ARSB: variants seen among roughly 807,000 people sequenced by gnomAD.
The protein encoded by ARSB is N-acetylgalactosamine-4-sulfatase.
In ARSB, 41 loss-of-function variants were observed where a neutral mutation model predicts 50.9. The observed-to-expected ratio is 0.81, with a 90% CI of 0.63 to 1.04. ARSB has a LOEUF of 1.04. Among genes scored for constraint, ARSB ranks in the 50% least tolerant of loss-of-function variants. ARSB has a pLI of 0.00. For synonymous variants in ARSB, 269 were observed against 284.8 expected (o/e 0.94, Z 0.56); for missense variants, 672 against 693.3 (o/e 0.97, Z 0.35).
intron 4 of ARSB, among the ~76,000 whole-genome samples, chr5:78,927,752 C>T (rs1212720499): frequency 6.6e-6 from 1 of 152,142 alleles, no homozygotes. Context: ...GAGGAGTTTG[C>T]CTCTGCCTAG....
At chr5:78,952,228 A>C (rs2112473828) in intron 4 of ARSB, among the ~76,000 whole-genome samples, 1 of 152,326 alleles carries the variant, frequency 6.6e-6, no homozygotes, top group East Asian at 1.9e-4. Flanking sequence ...TTATACATAC[A>C]CATTTGCAAT....
intron 6 of ARSB, among the ~76,000 whole-genome samples, chr5:78,811,184 C>T (rs578013011): frequency 9.9e-5 from 15 of 152,204 alleles, no homozygotes; most frequent in African/African-American, 2.4e-4. Context: ...GGTTAGCCTC[C>T]GTATACTATC....
At chr5:78,860,116 A>G (rs1746356213) in intron 5 of ARSB, among the ~76,000 whole-genome samples, 2 of 152,192 alleles carry the variant, frequency 1.3e-5, no homozygotes, top group African/African-American at 4.8e-5. Flanking sequence ...TGGGGTGCAG[A>G]GTTCTGTAGA....
chr5:78,906,893 A>T (rs77753783), intron 4 of ARSB, among the ~76,000 whole-genome samples: 244 of 152,300 alleles, frequency 1.6e-3, no homozygotes, highest in African/African-American at 5.3e-3. Flanking sequence ...GAATTGATAC[A>T]GGAGCATACT....
At chr5:78,795,436 T>C (rs536283832) in intron 6 of ARSB, among the ~76,000 whole-genome samples, 22 of 152,314 alleles carry the variant, frequency 1.4e-4, no homozygotes, top group Admixed American at 9.8e-4. Context: ...GTCTAGATTA[T>C]AGACCTTTCA....
At chr5:78,966,870 C>A (rs1315604298) in intron 2 of ARSB, among the ~76,000 whole-genome samples, 2 of 148,024 alleles carry the variant, frequency 1.4e-5, no homozygotes, top group East Asian at 4.0e-4. Context: ...AGTGATCTTA[C>A]ATCAAGTCTA....
chr5:78,934,111 C>G (rs1750476649), intron 4 of ARSB, among the ~76,000 whole-genome samples: 1 of 152,174 alleles, frequency 6.6e-6, no homozygotes, highest in South Asian at 2.1e-4. Context: ...CCAAAAAACC[C>G]AAATGGTCTC....
intron 5 of ARSB, among the ~76,000 whole-genome samples, chr5:78,879,556 G>T (rs1042498913): frequency 6.6e-6 from 1 of 152,144 alleles, no homozygotes; most frequent in Non-Finnish European, 1.5e-5. Flanking sequence ...TCCGTTACTG[G>T]CATTCCTATT....
At chr5:78,791,909 G>A (rs936785701) in intron 6 of ARSB, among the ~76,000 whole-genome samples, 3 of 152,080 alleles carry the variant, frequency 2.0e-5, no homozygotes, top group East Asian at 1.9e-4. Context: ...TTTGGATGGC[G>A]CAGTGGTATG....
chr5:78,944,111 C>T (rs974955408), intron 4 of ARSB, among the ~76,000 whole-genome samples: 19 of 152,146 alleles, frequency 1.2e-4, no homozygotes, highest in Admixed American at 9.2e-4. Flanking sequence ...GTTCTCGTGC[C>T]GTGGTTTTCA....
chr5:78,844,444 C>T (rs1464446935), intron 5 of ARSB, among the ~76,000 whole-genome samples: 5 of 151,876 alleles, frequency 3.3e-5, no homozygotes, highest in Non-Finnish European at 5.9e-5. Context: ...TTTGCAAGTC[C>T]CTTATCTGAT....
At chr5:78,902,392 C>T (rs955125525) in intron 4 of ARSB, among the ~76,000 whole-genome samples, 3 of 152,216 alleles carry the variant, frequency 2.0e-5, no homozygotes, top group Admixed American at 2.0e-4. Flanking sequence ...ACCAATTCCA[C>T]ACCTAGGTAT....
chr5:78,968,306 ATTTTTTAT>A (rs1326038418), intron 2 of ARSB, among the ~76,000 whole-genome samples: 1 of 144,356 alleles, frequency 6.9e-6, no homozygotes, highest in African/African-American at 2.5e-5. Flanking sequence ...GGAAATATTC[ATTTTTTAT>A]TTTATTATTA....
intron 5 of ARSB, among the ~76,000 whole-genome samples, chr5:78,849,629 T>C (rs1745649658): frequency 6.6e-6 from 1 of 151,672 alleles, no homozygotes; most frequent in African/African-American, 2.4e-5. Flanking sequence ...GGGATGGCAT[T>C]GAATCTATAA....
At chr5:78,937,042 T>C (rs1394676127) in intron 4 of ARSB, among the ~76,000 whole-genome samples, 6 of 151,948 alleles carry the variant, frequency 3.9e-5, no homozygotes, top group African/African-American at 1.2e-4. Context: ...TGCTTCATCC[T>C]CCAGTGCAGC....
At chr5:78,869,127 T>C (rs1746975391) in intron 5 of ARSB, among the ~76,000 whole-genome samples, 1 of 145,632 alleles carries the variant, frequency 6.9e-6, no homozygotes, top group Non-Finnish European at 1.5e-5. Context: ...CCTAAATATA[T>C]ATGCACCCAA....
At chr5:78,814,013 T>C (rs1743906345) in intron 6 of ARSB, among the ~76,000 whole-genome samples, 1 of 138,204 alleles carries the variant, frequency 7.2e-6, no homozygotes, top group Non-Finnish European at 1.6e-5. Flanking sequence ...AATAATCCAT[T>C]TGGAAAGAAT....
intron 6 of ARSB, among the ~76,000 whole-genome samples, chr5:78,821,987 A>C (rs1744248752): frequency 6.6e-6 from 1 of 152,118 alleles, no homozygotes; most frequent in Non-Finnish European, 1.5e-5. Context: ...GTTTTTCATT[A>C]ATTTGTTTGT....
Position 78,806,040 on chromosome 5 carries a change from T to C in ARSB, c.1214-24066A>G, listed in dbSNP as rs57754686. Reference sequence around the variant, plus strand: ...AGACTAATACTACCACCTACCTTCATTGGGTTTCTGTGAGCGTTAAATGCA... The same window carrying C: ...AGACTAATACTACCACCTACCTTCACTGGGTTTCTGTGAGCGTTAAATGCA... On this transcript the variant is annotated intron_variant, in intron 6 of 7. Transcript: ENST00000264914. Among the ~76,000 whole-genome samples the C allele has an allele frequency of 3.3e-5, 5 of 152,366 alleles. No homozygotes were observed. In the South Asian group the frequency reaches 8.3e-4, roughly 25 times the overall value.
Sources: allele counts gnomAD v4.1 joint callset (sites outside exome capture counted in the v4.1 genomes callset), GRCh38; gene constraint gnomAD v4.1.1; transcripts MANE v1.5; gene names NCBI Gene and HGNC (gene_info 2026-07-23, HGNC 2026-07-21).